The following RSU1 variants were observed in gnomAD, a reference collection of about 807,000 sequenced individuals.
RSU1 encodes Ras suppressor protein 1, also known as rsu-1.
In RSU1, 26 loss-of-function variants were observed where a neutral mutation model predicts 31.1. The observed-to-expected ratio is 0.84, with a 90% confidence interval of 0.61 to 1.16. The LOEUF (loss-of-function observed/expected upper bound fraction) is 1.16. Ranked by LOEUF, RSU1 falls within the 50% of genes most tolerant of loss-of-function variation. The probability of loss-of-function intolerance (pLI) is 0.00; values close to 1 mark genes in which losing one functional copy is unlikely to be tolerated. For synonymous variants in RSU1, 164 were observed against 136.3 expected (o/e 1.20, Z -1.41); for missense variants, 320 against 339.1 (o/e 0.94, Z 0.44).
At chr10:16,813,166 A>G (rs1382474927) in intron 2 of RSU1, among the ~76,000 whole-genome samples, 1 of 152,058 alleles carries the variant, frequency 6.6e-6, no homozygotes, top group African/African-American at 2.4e-5. Context: ...GTCTCACTCT[A>G]TTGCCCACAC....
chr10:16,653,100 C>T (rs908661128), intron 8 of RSU1, among the ~76,000 whole-genome samples: 3 of 152,092 alleles, frequency 2.0e-5, no homozygotes, highest in African/African-American at 4.8e-5. Context: ...AACTTTGCAT[C>T]ACCATTGGAA....
chr10:16,644,154 T>C (rs1489660611), intron 8 of RSU1, among the ~76,000 whole-genome samples: 3 of 152,100 alleles, frequency 2.0e-5, no homozygotes, highest in African/African-American at 4.8e-5. Context: ...AGAGTGATTA[T>C]ATAGTCCCTA....
At chr10:16,663,059 C>T (rs970763866) in intron 8 of RSU1, among the ~76,000 whole-genome samples, 6 of 151,668 alleles carry the variant, frequency 4.0e-5, no homozygotes, top group Admixed American at 6.6e-5. Flanking sequence ...GAAATAATGA[C>T]GTAAAGAAAA....
chr10:16,816,875 TA>T, intron 2 of RSU1, 97 bp downstream of exon 2: 1 of 856,732 alleles, frequency 1.2e-6, no homozygotes, highest in Non-Finnish European at 2.0e-6. Context: ...GGCTGGGGTC[TA>T]AACCAGTACA....
At chr10:16,724,322 G>T (rs916629603) in intron 7 of RSU1, among the ~76,000 whole-genome samples, 2 of 152,080 alleles carry the variant, frequency 1.3e-5, no homozygotes, top group African/African-American at 2.4e-5. Context: ...AAAGAGAAAA[G>T]AATAAAATAT....
At chr10:16,793,458 G>A (rs942037243) in intron 2 of RSU1, among the ~76,000 whole-genome samples, 1 of 152,104 alleles carries the variant, frequency 6.6e-6, no homozygotes, top group African/African-American at 2.4e-5. Flanking sequence ...TGGAGTCTAT[G>A]AGTCCATCAG....
chr10:16,621,905 C>G (rs773033051), intron 8 of RSU1, among the ~76,000 whole-genome samples: 12 of 152,130 alleles, frequency 7.9e-5, no homozygotes, highest in Non-Finnish European at 1.3e-4. Context: ...CAAATTAAAC[C>G]TAGTTTTCAT....
chr10:16,612,485 A>G (rs182047753), intron 8 of RSU1, among the ~76,000 whole-genome samples: 27 of 152,324 alleles, frequency 1.8e-4, no homozygotes, highest in Admixed American at 4.6e-4. Context: ...GACTAACTGA[A>G]AACATGAATA....
intron 8 of RSU1, among the ~76,000 whole-genome samples, chr10:16,679,917 T>G (rs549528179): frequency 5.4e-4 from 80 of 148,512 alleles, no homozygotes; most frequent in African/African-American, 2.0e-3. Context: ...AGTCTCACTC[T>G]GTTGCCCAGG....
chr10:16,772,990 G>A (rs1160280630), intron 3 of RSU1, among the ~76,000 whole-genome samples: 1 of 152,030 alleles, frequency 6.6e-6, no homozygotes. Context: ...GTGGATTGCT[G>A]GAGCCCAGGA....
intron 8 of RSU1, among the ~76,000 whole-genome samples, chr10:16,674,010 C>A (rs772710279): frequency 6.6e-6 from 1 of 152,166 alleles, no homozygotes; most frequent in Non-Finnish European, 1.5e-5. Flanking sequence ...ACACCTGCAT[C>A]CTGAGGCTCT....
intron 8 of RSU1, among the ~76,000 whole-genome samples, chr10:16,661,287 C>CGTGTGT (rs56675037): frequency 0.057 from 7,568 of 132,806 alleles, 280 homozygotes; most frequent in South Asian, 0.12. Flanking sequence ...GTAGAGAGTG[C>CGTGTGT]GTGTGTGTGT....
rs149422797 is a variant in RSU1 at position 16,688,677 on chromosome 10, C to A, written c.731+6346G>T. On this transcript the variant is annotated intron_variant, in intron 8 of 8. Transcript: ENST00000345264. ...AATATATATCACCAGGAAGAGAATA[C>A]ATAGTCAACTTGTAAAATGTAAAAA... 5.7e-3 allele frequency among the ~76,000 whole-genome samples: 866 copies of A among 152,162 alleles called. 6 individuals are homozygous for A. Among genetic ancestry groups the A allele is most frequent in the Non-Finnish European group, 0.01 (682 of 67,986 alleles).
At position 16,795,309 on chromosome 10, in the gene RSU1, G is replaced by A. The variant is rs529000055; in HGVS notation, c.110-13225C>T. 7.2e-4 allele frequency among the ~76,000 whole-genome samples: 102 copies of A among 141,552 alleles called. 1 individual carries two copies. Among genetic ancestry groups the A allele is most frequent in the Non-Finnish European group, 1.3e-3 (89 of 66,812 alleles). 92.9% of individuals were successfully genotyped at this position (141,552 alleles called of 152,430 possible). ...GCAGTGGTTGCAGTGAGCCGAGATCGCGCCACTGCACCCAAGCCTGGGCGA... is the reference window on the plus strand; with the variant it reads ...GCAGTGGTTGCAGTGAGCCGAGATCACGCCACTGCACCCAAGCCTGGGCGA... On this transcript the variant is annotated intron_variant, in intron 2 of 8. Transcript: ENST00000345264.
At chr10:16,814,507 G>A (rs1362656310) in intron 2 of RSU1, among the ~76,000 whole-genome samples, 9 of 151,190 alleles carry the variant, frequency 6.0e-5, no homozygotes, top group Non-Finnish European at 1.2e-4. Context: ...ATGTAGCCAT[G>A]TGAAGTATTT....
At chr10:16,685,408 G>A (rs1310761183) in intron 8 of RSU1, among the ~76,000 whole-genome samples, 1 of 152,202 alleles carries the variant, frequency 6.6e-6, no homozygotes, top group East Asian at 1.9e-4. Context: ...GGAAAGTAAA[G>A]GAATAAAACA....
At position 16,778,934 on chromosome 10, in the gene RSU1, C is replaced by T. The variant is rs115791252; in HGVS notation, c.160+3100G>A. 7.2e-3 allele frequency among the ~76,000 whole-genome samples: 1,103 copies of T among 152,270 alleles called. 13 individuals are homozygous for T. The highest frequency in any genetic ancestry group is 0.023 in the African/African-American group (956 of 41,548). ...AGGTGCTCAAAGAAAGCATTATTTCCGAAAGGATCTTCAATCTGAAACTCT... is the reference window on the plus strand; with the variant it reads ...AGGTGCTCAAAGAAAGCATTATTTCTGAAAGGATCTTCAATCTGAAACTCT... On this transcript the variant is annotated intron_variant, in intron 3 of 8. Transcript: ENST00000345264.
chr10:16,738,641 ATAAAT>A (rs1174630347), intron 7 of RSU1, among the ~76,000 whole-genome samples: 4 of 152,172 alleles, frequency 2.6e-5, no homozygotes, highest in Non-Finnish European at 5.9e-5. Context: ...AATGGAAAAC[ATAAAT>A]TAACAATAAA....
intron 7 of RSU1, among the ~76,000 whole-genome samples, chr10:16,734,048 C>T (rs535201640): frequency 1.3e-5 from 2 of 152,348 alleles, no homozygotes; most frequent in Non-Finnish European, 1.5e-5. Flanking sequence ...TCTTCCAACA[C>T]GACTCCAATT....
Sources: gnomAD v4.1 joint callset for allele counts (sites outside exome capture counted in the v4.1 genomes callset) on GRCh38, gnomAD v4.1.1 for gene constraint, MANE v1.5 for transcripts, NCBI Gene and HGNC (gene_info 2026-07-23, HGNC 2026-07-21) for gene names.